Variants in CLGN observed in about 807,000 individuals in gnomAD.
The protein encoded by CLGN is testis tissue sperm-binding protein Li 79P.
A neutral mutation model predicts 79.1 loss-of-function variants in CLGN; 62 were observed. That is an observed-to-expected ratio of 0.78 (90% CI 0.64 to 0.97). CLGN has a LOEUF of 0.97. CLGN is among the 50% of genes least tolerant of loss of function. The probability of loss-of-function intolerance (pLI) is 0.00; values close to 1 mark genes in which losing one functional copy is unlikely to be tolerated. For synonymous variants in CLGN, 225 were observed against 224.7 expected, an observed-to-expected ratio of 1.00 and a Z score of -0.01; for missense variants, 647 against 715.5, an observed-to-expected ratio of 0.90 and a Z score of 1.09.
chr4:140,410,341 C>T (rs72939862), intron 3 of CLGN, among the ~76,000 whole-genome samples: 10,930 of 151,898 alleles, frequency 0.072, 536 homozygotes, highest in African/African-American at 0.14. Flanking sequence ...TCTTTGCATT[C>T]GGAATTAGTA....
intron 4 of CLGN, 23 bp from the exon 5 acceptor site, chr4:140,406,106 T>TTAAAC: frequency 6.2e-7 from 1 of 1,607,044 alleles, no homozygotes; most frequent in Non-Finnish European, 8.5e-7. Flanking sequence ...GCAAAGCAAA[T>TTAAAC]TAAACTAAAA....
chr4:140,418,129 T>C (rs1255301000), intron 1 of CLGN, among the ~76,000 whole-genome samples: 1 of 151,636 alleles, frequency 6.6e-6, no homozygotes, highest in Non-Finnish European at 1.5e-5. Flanking sequence ...TAAATGGTGC[T>C]GGGAAAACTG....
chr4:140,413,996 G>A (rs1272183907), intron 1 of CLGN, among the ~76,000 whole-genome samples: 11 of 152,318 alleles, frequency 7.2e-5, no homozygotes, highest in African/African-American at 1.9e-4. Context: ...CTCCCAGCAC[G>A]CAGCTGGAGA....
At chr4:140,399,469 T>G (rs1022139549) in intron 7 of CLGN, among the ~76,000 whole-genome samples, 3 of 152,254 alleles carry the variant, frequency 2.0e-5, no homozygotes, top group Non-Finnish European at 2.9e-5. Context: ...TACAGTTTAC[T>G]TGGTGTTCCC....
chr4:140,408,497 T>C (rs1292476950), intron 4 of CLGN, among the ~76,000 whole-genome samples: 1 of 151,708 alleles, frequency 6.6e-6, no homozygotes, highest in Admixed American at 6.6e-5. Flanking sequence ...ATTAATCCCA[T>C]CAGAAAGTAG....
At chr4:140,392,554 GA>G in intron 12 of CLGN, 31 bp downstream of exon 12, 2 of 1,564,786 alleles carry the variant, frequency 1.3e-6, no homozygotes, top group Non-Finnish European at 1.7e-6. Context: ...AAATTTGGGT[GA>G]AAAAAGTTGA....
chr4:140,399,468 C>G (rs757732917), intron 7 of CLGN, among the ~76,000 whole-genome samples: 6 of 152,122 alleles, frequency 3.9e-5, no homozygotes, highest in Non-Finnish European at 7.4e-5. Context: ...CTACAGTTTA[C>G]TTGGTGTTCC....
intron 1 of CLGN, among the ~76,000 whole-genome samples, chr4:140,418,362 T>G (rs1729389194): frequency 6.8e-6 from 1 of 147,478 alleles, no homozygotes; most frequent in Admixed American, 6.7e-5. Flanking sequence ...GGGATCTAAT[T>G]AAACTAAAGA....
chr4:140,399,141 T>C, intron 7 of CLGN, 101 bp from the exon 8 acceptor site: 1 of 899,062 alleles, frequency 1.1e-6, no homozygotes, highest in Non-Finnish European at 1.6e-6. Context: ...TGGGTAAAGC[T>C]TTTTTCCCAA....
Position 140,392,358 on chromosome 4 carries a change from C to CA in CLGN, c.1511_1512insT (p.Glu504AspfsTer3), listed in dbSNP as rs1728790809. On this transcript the variant is annotated frameshift_variant, in exon 13 of 15. Coordinates refer to ENST00000325617, the MANE Select transcript of CLGN (RefSeq NM_004362.3). LOFTEE classifies it high-confidence loss of function. ...GTATACATATGTCGGTTTTTTTATACTCTGTATCTTTATGTTTTTTCTGTG... is the reference window on the plus strand; with the variant it reads ...GTATACATATGTCGGTTTTTTTATACATCTGTATCTTTATGTTTTTTCTGTG... 6.3e-7 allele frequency: 1 copy of CA among 1,597,448 alleles called. No homozygotes were observed. Among genetic ancestry groups the CA allele is most frequent in the Non-Finnish European group, 8.5e-7 (1 of 1,175,172 alleles).
rs1578604728 is a variant in CLGN at position 140,413,549 on chromosome 4, A to G, written c.-9-462T>C. On this transcript the variant is annotated intron_variant, in intron 1 of 14. Coordinates refer to ENST00000325617, the MANE Select transcript of CLGN (RefSeq NM_004362.3). ...CGAGGCATTGCCTCACTCGGGAAGCACAAGGGGTCAGGGAGTTCCCTTTCC... is the reference window on the plus strand; with the variant it reads ...CGAGGCATTGCCTCACTCGGGAAGCGCAAGGGGTCAGGGAGTTCCCTTTCC... Among the ~76,000 whole-genome samples, 7 of 152,194 alleles carry G rather than the reference A, an allele frequency of 4.6e-5. No homozygotes were observed. The South Asian group carries it at 1.4e-3, about 31-fold the overall frequency.
rs1728787482 is a variant in CLGN at position 140,392,268 on chromosome 4, C to T, written c.1602G>A (p.Met534Ile). 6.2e-7 allele frequency: 1 copy of T among 1,613,294 alleles called. No homozygotes were observed. Among genetic ancestry groups the T allele is most frequent in the South Asian group, 1.1e-5 (1 of 91,038 alleles). ...TTTGCTTTTTTTCCTCTTCCAGGTC[C>T]ATTGGTTTTTCCAGGGCTGCTTTCT... The part of the protein sequence containing the change: ...KEEKAALEKP[M>I]DLEEEKKQND... Residue 534 changes from methionine (M) to isoleucine (I), a missense_variant, in exon 13 of 15, where the codon ATG becomes ATA. Physicochemically the swap from Met to Ile is conservative, Grantham distance 10. Coordinates refer to ENST00000325617, the MANE Select transcript of CLGN (RefSeq NM_004362.3).
chr4:140,425,268 T>C (rs777247019), intron 1 of CLGN, among the ~76,000 whole-genome samples: 8 of 152,202 alleles, frequency 5.3e-5, no homozygotes, highest in Non-Finnish European at 1.2e-4. Context: ...TGAATTATAA[T>C]TCTTTATGAT....
intron 8 of CLGN, among the ~76,000 whole-genome samples, chr4:140,396,902 TATATGTATATATATATATATACAC>T (rs1262537362): frequency 4.7e-5 from 3 of 64,416 alleles, no homozygotes; most frequent in Non-Finnish European, 1.0e-4. Flanking sequence ...TATATATATA[TATATGTATATATATATATATACAC>T]ATATATATAT....
chr4:140,392,357 A>G lies in CLGN; in HGVS notation c.1513T>C (p.Tyr505His), dbSNP rs767781613. 5.6e-6 allele frequency: 9 copies of G among 1,595,952 alleles called. No homozygotes were observed. Among genetic ancestry groups the G allele is most frequent in the Admixed American group, 5.3e-5 (3 of 56,430 alleles). The change falls in exon 13 of 15, where the codon TAT becomes CAT. Residue 505 changes from tyrosine to histidine, a missense_variant. Tyr to His is a moderately conservative substitution (Grantham distance 83, BLOSUM62 2). Coordinates refer to ENST00000325617, the MANE Select transcript of CLGN (RefSeq NM_004362.3). ...KVKKKHKDTE[Y>H]KKTDICIPQT... ...GGTATACATATGTCGGTTTTTTTAT[A>G]CTCTGTATCTTTATGTTTTTTCTGT...
intron 1 of CLGN, chr4:140,426,665 T>C (rs1391975811): frequency 6.6e-6 from 1 of 152,276 alleles, no homozygotes; most frequent in African/African-American, 2.4e-5. Context: ...ATGAACTCTT[T>C]TCTAATTTGA....
Position 140,413,105 on chromosome 4 carries a change from A to G in CLGN, c.-9-18T>C. The G allele has an allele frequency of 6.3e-7, 1 of 1,590,406 alleles. No individual in the cohort carries two copies. Among genetic ancestry groups the G allele is most frequent in the Non-Finnish European group, 8.6e-7 (1 of 1,168,788 alleles). ...TTGATTATCTGTGAAATTAAAAGTA[A>G]TTAGTGAAAATAAAACAAAATTGTG... On this transcript the variant is annotated intron_variant, in intron 1 of 14. Coordinates refer to ENST00000325617, the MANE Select transcript of CLGN (RefSeq NM_004362.3).
At chr4:140,398,552 C>G (rs1203880603) in intron 8 of CLGN, among the ~76,000 whole-genome samples, 1 of 151,806 alleles carries the variant, frequency 6.6e-6, no homozygotes, top group Non-Finnish European at 1.5e-5. Context: ...AAAGATCAAA[C>G]TAGGAATGAA....
intron 5 of CLGN, 77 bp downstream of exon 5, chr4:140,405,865 C>T: frequency 7.0e-7 from 1 of 1,422,160 alleles, no homozygotes; most frequent in East Asian, 2.5e-5. Flanking sequence ...CATCCATTTT[C>T]AAAATACAAG....
Sources: allele counts gnomAD v4.1 joint callset (sites outside exome capture counted in the v4.1 genomes callset), GRCh38; gene constraint gnomAD v4.1.1; transcripts MANE v1.5; gene names NCBI Gene and HGNC (gene_info 2026-07-23, HGNC 2026-07-21).